The following GPC6 variants were observed in gnomAD, a reference collection of about 807,000 sequenced individuals.
The protein encoded by GPC6 is glypican-6.
GPC6 carries 14 observed loss-of-function variants against 55.2 expected under a neutral mutation model. The ratio of observed to expected loss-of-function variants is 0.25; its 90% CI spans 0.17 to 0.40. The LOEUF (loss-of-function observed/expected upper bound fraction) is 0.40, where lower values mean the gene tolerates loss of function less well. Among genes scored for constraint, GPC6 ranks in the 10% least tolerant of loss-of-function variants. The pLI is 1.00. For synonymous variants in GPC6, 278 were observed against 259.6 expected (o/e 1.07, Z -0.68); for missense variants, 641 against 708.5 (o/e 0.90, Z 1.08).
intron 4 of GPC6, among the ~76,000 whole-genome samples, chr13:94,030,999 G>A (rs1883103156): frequency 6.6e-6 from 1 of 152,104 alleles, no homozygotes; most frequent in South Asian, 2.1e-4. Flanking sequence ...CTGAAGTTCT[G>A]TAGTTGGGGT....
At chr13:94,127,504 T>A (rs1886860699) in intron 4 of GPC6, among the ~76,000 whole-genome samples, 1 of 152,130 alleles carries the variant, frequency 6.6e-6, no homozygotes, top group Non-Finnish European at 1.5e-5. Context: ...CTATGCTTCC[T>A]GTAAAGCCTG....
chr13:93,728,815 A>G (rs1203203791), intron 2 of GPC6, among the ~76,000 whole-genome samples: 1 of 151,948 alleles, frequency 6.6e-6, no homozygotes, highest in Non-Finnish European at 1.5e-5. Context: ...GTATCCGCCT[A>G]CCTCGGCCTC....
chr13:93,844,217 C>A (rs1456339989), intron 3 of GPC6, among the ~76,000 whole-genome samples: 3 of 152,164 alleles, frequency 2.0e-5, no homozygotes, highest in East Asian at 1.9e-4. Flanking sequence ...CAGCTCACTG[C>A]AAACTTCACT....
chr13:93,375,399 A>C (rs1207135063), intron 1 of GPC6, among the ~76,000 whole-genome samples: 1 of 152,186 alleles, frequency 6.6e-6, no homozygotes, highest in Non-Finnish European at 1.5e-5. Flanking sequence ...TTTTAACCTC[A>C]GCTTTACTTC....
chr13:93,926,994 A>G (rs1037849716), intron 3 of GPC6, among the ~76,000 whole-genome samples: 2 of 152,304 alleles, frequency 1.3e-5, no homozygotes, highest in South Asian at 2.1e-4. Flanking sequence ...AGTTTTCTGT[A>G]TAATGTTCTG....
At chr13:93,506,023 T>C (rs529254239) in intron 1 of GPC6, among the ~76,000 whole-genome samples, 1 of 152,228 alleles carries the variant, frequency 6.6e-6, no homozygotes, top group Non-Finnish European at 1.5e-5. Context: ...GTTGTTGTCA[T>C]TGGATACAGT....
chr13:94,174,352 G>A (rs1473071127), intron 4 of GPC6, among the ~76,000 whole-genome samples: 1 of 152,018 alleles, frequency 6.6e-6, no homozygotes, highest in Non-Finnish European at 1.5e-5. Context: ...GAATAATGAA[G>A]AAATATCAAA....
chr13:94,142,707 A>G (rs1490917557), intron 4 of GPC6, among the ~76,000 whole-genome samples: 1 of 152,106 alleles, frequency 6.6e-6, no homozygotes, highest in Admixed American at 6.6e-5. Flanking sequence ...TATTATCTAT[A>G]TATAATATAC....
chr13:93,490,714 C>T (rs1459664164), intron 1 of GPC6, among the ~76,000 whole-genome samples: 1 of 115,620 alleles, frequency 8.6e-6, no homozygotes, highest in African/African-American at 3.3e-5. Context: ...ATTCCCCTTC[C>T]TGTGTCCATG....
At chr13:93,995,859 C>G (rs948530659) in intron 3 of GPC6, among the ~76,000 whole-genome samples, 4 of 152,064 alleles carry the variant, frequency 2.6e-5, no homozygotes, top group Admixed American at 2.0e-4. Flanking sequence ...CAGAACAAAT[C>G]TTAAGTAAAA....
chr13:93,821,589 C>T (rs1452056489), intron 2 of GPC6, among the ~76,000 whole-genome samples: 1 of 152,178 alleles, frequency 6.6e-6, no homozygotes, highest in African/African-American at 2.4e-5. Flanking sequence ...CAATTATAAT[C>T]ATTTGCAACC....
At chr13:93,239,861 A>G (rs112632075) in intron 1 of GPC6, among the ~76,000 whole-genome samples, 123 of 152,128 alleles carry the variant, frequency 8.1e-4, no homozygotes, top group African/African-American at 2.9e-3. Context: ...AAAAATTATT[A>G]ATTTTAATGT....
intron 3 of GPC6, among the ~76,000 whole-genome samples, chr13:94,021,440 A>G (rs1196472574): frequency 6.6e-6 from 1 of 152,098 alleles, no homozygotes; most frequent in African/African-American, 2.4e-5. Flanking sequence ...ATGAAATATT[A>G]TTACATGGCT....
At chr13:93,234,306 T>G (rs1295101096) in intron 1 of GPC6, among the ~76,000 whole-genome samples, 1 of 152,138 alleles carries the variant, frequency 6.6e-6, no homozygotes, top group Non-Finnish European at 1.5e-5. Context: ...TCTTCCAAAT[T>G]AAGCTCACTG....
intron 2 of GPC6, among the ~76,000 whole-genome samples, chr13:93,666,317 T>C (rs1881133826): frequency 1.3e-5 from 2 of 152,082 alleles, no homozygotes; most frequent in Non-Finnish European, 2.9e-5. Context: ...TTTCTAAGAC[T>C]TTAAATTTGA....
chr13:94,241,476 G>A lies in GPC6; in HGVS notation c.878-44873G>A, dbSNP rs1594089871. ...ACTCATTATACATATTTTCACATTTGTAGTGTATATATAATCTAGATGAGT... is the reference window on the plus strand; with the variant it reads ...ACTCATTATACATATTTTCACATTTATAGTGTATATATAATCTAGATGAGT... On this transcript the variant is annotated intron_variant, in intron 4 of 8. Coordinates refer to ENST00000377047, the MANE Select transcript of GPC6 (RefSeq NM_005708.5). Among the ~76,000 whole-genome samples the A allele has an allele frequency of 2.6e-5, 4 of 152,090 alleles. No homozygotes were observed. In the East Asian group the frequency reaches 7.7e-4, roughly 29 times the overall value.
At chr13:93,380,021 G>A (rs1372981905) in intron 1 of GPC6, among the ~76,000 whole-genome samples, 1 of 151,380 alleles carries the variant, frequency 6.6e-6, no homozygotes, top group Non-Finnish European at 1.5e-5. Flanking sequence ...CAGGGGTAAG[G>A]CGATGCTGGG....
chr13:93,471,546 C>T (rs910399122), intron 1 of GPC6, among the ~76,000 whole-genome samples: 4 of 151,950 alleles, frequency 2.6e-5, no homozygotes, highest in Non-Finnish European at 4.4e-5. Flanking sequence ...AAATTTTCTC[C>T]TATATTTAGC....
intron 2 of GPC6, among the ~76,000 whole-genome samples, chr13:93,712,912 G>A (rs988058922): frequency 1.3e-5 from 2 of 151,268 alleles, no homozygotes; most frequent in African/African-American, 2.4e-5. Flanking sequence ...AATTGCTAAT[G>A]TATTAAGCCG....
Sources: allele counts gnomAD v4.1 joint callset (sites outside exome capture counted in the v4.1 genomes callset), GRCh38; gene constraint gnomAD v4.1.1; transcripts MANE v1.5; gene names NCBI Gene and HGNC (gene_info 2026-07-23, HGNC 2026-07-21).